SPHKAP: variants seen among roughly 807,000 people sequenced by gnomAD.
The protein encoded by SPHKAP is SPHK1 interactor, AKAP domain containing.
A neutral mutation model predicts 137.5 loss-of-function variants in SPHKAP; 67 were observed. The ratio of observed to expected loss-of-function variants is 0.49; its 90% CI spans 0.40 to 0.60. The LOEUF (loss-of-function observed/expected upper bound fraction) is 0.60, where lower values mean the gene tolerates loss of function less well. SPHKAP is among the 20% of genes least tolerant of loss of function. The pLI is 0.00. For missense variants in SPHKAP, 2,097 were observed against 2,069.3 expected, an observed-to-expected ratio of 1.01 and a Z score of -0.26; for synonymous variants, 813 against 785.3, an observed-to-expected ratio of 1.04 and a Z score of -0.59.
intron 4 of SPHKAP, 122 bp from the exon 5 acceptor site, chr2:228,025,650 C>G: frequency 1.7e-6 from 2 of 1,151,120 alleles, no homozygotes; most frequent in Non-Finnish European, 2.3e-6. Flanking sequence ...CTTAATCTAC[C>G]AAGATTCTTA....
At chr2:228,089,323 C>T (rs907910220) in intron 3 of SPHKAP, among the ~76,000 whole-genome samples, 2 of 152,160 alleles carry the variant, frequency 1.3e-5, no homozygotes, top group Admixed American at 1.3e-4. Flanking sequence ...GGGTATCTGA[C>T]AGAAGAAATT....
chr2:228,036,711 T>G (rs1277015627), intron 3 of SPHKAP, among the ~76,000 whole-genome samples: 1 of 152,038 alleles, frequency 6.6e-6, no homozygotes, highest in East Asian at 1.9e-4. Context: ...CCATAAAAAA[T>G]GATGAGTTCA....
At chr2:228,093,874 A>AAAAC (rs1473682184) in intron 3 of SPHKAP, among the ~76,000 whole-genome samples, 9 of 149,742 alleles carry the variant, frequency 6.0e-5, no homozygotes, top group East Asian at 1.9e-4. Context: ...AAAAAAAAAA[A>AAAAC]AAAAAAAAAA....
intron 1 of SPHKAP, among the ~76,000 whole-genome samples, chr2:228,146,660 T>G (rs1699784753): frequency 6.6e-6 from 1 of 152,216 alleles, no homozygotes; most frequent in South Asian, 2.1e-4. Context: ...AGTATTTGGT[T>G]TTCTGTTCCT....
chr2:228,164,948 T>A (rs1322116961), intron 1 of SPHKAP, among the ~76,000 whole-genome samples: 1 of 152,212 alleles, frequency 6.6e-6, no homozygotes, highest in South Asian at 2.1e-4. Flanking sequence ...TGTCATTGTC[T>A]TTCTCTCCAT....
chr2:228,079,669 A>G (rs1416319631), intron 3 of SPHKAP, among the ~76,000 whole-genome samples: 2 of 152,140 alleles, frequency 1.3e-5, no homozygotes, highest in Admixed American at 6.5e-5. Flanking sequence ...AAGGCCCACC[A>G]GCTCCAGGTC....
At chr2:227,984,803 G>T (rs1447243577) in intron 11 of SPHKAP, among the ~76,000 whole-genome samples, 3 of 152,162 alleles carry the variant, frequency 2.0e-5, no homozygotes, top group Non-Finnish European at 2.9e-5. Flanking sequence ...TTGTTGATTT[G>T]TTTCTCGAGA....
chr2:228,056,007 A>G (rs1440397197), intron 3 of SPHKAP, among the ~76,000 whole-genome samples: 1 of 152,184 alleles, frequency 6.6e-6, no homozygotes, highest in Non-Finnish European at 1.5e-5. Context: ...TCCTTGCTCC[A>G]TCTTCAATGA....
intron 5 of SPHKAP, among the ~76,000 whole-genome samples, chr2:228,024,119 G>A (rs917190302): frequency 6.6e-6 from 1 of 152,126 alleles, no homozygotes; most frequent in African/African-American, 2.4e-5. Flanking sequence ...GATTTTTCTG[G>A]TTACATGAAA....
At chr2:228,120,971 T>C (rs1698882938) in intron 2 of SPHKAP, among the ~76,000 whole-genome samples, 1 of 152,230 alleles carries the variant, frequency 6.6e-6, no homozygotes, top group African/African-American at 2.4e-5. Context: ...CATAATGCTA[T>C]AATATTTATA....
At chr2:227,998,654 G>A (rs117676100) in intron 7 of SPHKAP, among the ~76,000 whole-genome samples, 127 of 152,158 alleles carry the variant, frequency 8.3e-4, no homozygotes, top group Non-Finnish European at 1.1e-3. Context: ...ACCCTTTCCC[G>A]GTGAGGATCC....
At chr2:228,170,983 T>C (rs1392022902) in intron 1 of SPHKAP, among the ~76,000 whole-genome samples, 1 of 152,082 alleles carries the variant, frequency 6.6e-6, no homozygotes, top group Non-Finnish European at 1.5e-5. Flanking sequence ...GATACTCAGG[T>C]CATAAACTTC....
At chr2:228,092,048 G>T (rs1277410532) in intron 3 of SPHKAP, among the ~76,000 whole-genome samples, 1 of 149,822 alleles carries the variant, frequency 6.7e-6, no homozygotes, top group Non-Finnish European at 1.5e-5. Flanking sequence ...AGTGGATAAA[G>T]AAATTGTGCA....
intron 6 of SPHKAP, among the ~76,000 whole-genome samples, chr2:228,021,458 C>T (rs1694836570): frequency 1.3e-5 from 2 of 152,178 alleles, no homozygotes; most frequent in African/African-American, 4.8e-5. Context: ...CTTTAAAGTA[C>T]ACAAATTCCC....
At chr2:228,090,477 G>A (rs554343566) in intron 3 of SPHKAP, among the ~76,000 whole-genome samples, 2 of 152,184 alleles carry the variant, frequency 1.3e-5, no homozygotes, top group Non-Finnish European at 2.9e-5. Flanking sequence ...GCTGAAATGA[G>A]TTGAGACTTT....
chr2:228,144,161 C>T (rs1255829599), intron 1 of SPHKAP, among the ~76,000 whole-genome samples: 5 of 152,182 alleles, frequency 3.3e-5, no homozygotes, highest in Non-Finnish European at 5.9e-5. Flanking sequence ...ACTAGAATTG[C>T]CACACAGGCC....
chr2:228,023,002 A>G (rs1396201309), intron 5 of SPHKAP, among the ~76,000 whole-genome samples: 1 of 152,224 alleles, frequency 6.6e-6, no homozygotes, highest in East Asian at 1.9e-4. Context: ...AGACCAGCGT[A>G]TGGGAAAAAC....
Position 228,016,936 on chromosome 2 carries a change from A to C in SPHKAP, c.3918T>G (p.Ile1306Met). Residue 1306 changes from isoleucine to methionine, a missense_variant, in exon 7 of 12, where the codon ATT becomes ATG. Coordinates refer to ENST00000392056, the MANE Select transcript of SPHKAP (RefSeq NM_001142644.2). ...GGTDHITNML[I>M]HETWASSIEA... Reference sequence around the variant, plus strand: ...CAATGGAGCTAGCCCACGTTTCATGAATTAACATGTTGGTGATGTGGTCAG... The same window carrying C: ...CAATGGAGCTAGCCCACGTTTCATGCATTAACATGTTGGTGATGTGGTCAG... The C allele has an allele frequency of 6.2e-7, 1 of 1,614,144 alleles. No homozygotes were observed. Among genetic ancestry groups the C allele is most frequent in the South Asian group, 1.1e-5 (1 of 91,078 alleles).
At chr2:228,072,198 T>C (rs143712492) in intron 3 of SPHKAP, among the ~76,000 whole-genome samples, 156 of 152,298 alleles carry the variant, frequency 1.0e-3, no homozygotes, top group African/African-American at 3.5e-3. Context: ...TGCCATCAGC[T>C]CTCAGGCCTT....
Sources: gnomAD v4.1 joint callset for allele counts (sites outside exome capture counted in the v4.1 genomes callset) on GRCh38, gnomAD v4.1.1 for gene constraint, MANE v1.5 for transcripts, NCBI Gene and HGNC (gene_info 2026-07-23, HGNC 2026-07-21) for gene names.